Variants in CTNND2 observed in about 807,000 individuals in gnomAD.
CTNND2 encodes catenin delta 2.
A neutral mutation model predicts 144.4 loss-of-function variants in CTNND2; 22 were observed. That is an observed-to-expected ratio of 0.15 (90% CI 0.11 to 0.22). The LOEUF (loss-of-function observed/expected upper bound fraction) is 0.22, where lower values mean the gene tolerates loss of function less well. Among genes scored for constraint, CTNND2 ranks in the 10% least tolerant of loss-of-function variants. The probability of loss-of-function intolerance (pLI) is 1.00; values close to 1 mark genes in which losing one functional copy is unlikely to be tolerated. For missense variants in CTNND2, 1,353 were observed against 1,618.8 expected (o/e 0.84, Z 2.82); for synonymous variants, 751 against 695.6 (o/e 1.08, Z -1.25).
chr5:11,229,541 T>C (rs1740744746), intron 10 of CTNND2, among the ~76,000 whole-genome samples: 1 of 151,966 alleles, frequency 6.6e-6, no homozygotes, highest in Non-Finnish European at 1.5e-5. Flanking sequence ...AATAAATCAA[T>C]AGAAATATTT....
chr5:11,621,329 T>C (rs1780826879), intron 2 of CTNND2, among the ~76,000 whole-genome samples: 1 of 152,206 alleles, frequency 6.6e-6, no homozygotes, highest in African/African-American at 2.4e-5. Flanking sequence ...TTAATCATTA[T>C]ATTTTATTTG....
intron 11 of CTNND2, among the ~76,000 whole-genome samples, chr5:11,191,978 G>A (rs547239596): frequency 3.3e-5 from 5 of 152,256 alleles, no homozygotes; most frequent in African/African-American, 7.2e-5. Context: ...TTCCACAGGC[G>A]TTTTCACCAG....
chr5:11,092,375 T>C (rs1750862207), intron 15 of CTNND2, among the ~76,000 whole-genome samples: 1 of 152,220 alleles, frequency 6.6e-6, no homozygotes, highest in South Asian at 2.1e-4. Context: ...CCAATGACAG[T>C]ACTAAAATTA....
chr5:11,114,872 T>G (rs12521595), intron 13 of CTNND2, among the ~76,000 whole-genome samples: 21,738 of 152,070 alleles, frequency 0.14, 2,464 homozygotes, highest in East Asian at 0.45. Context: ...GAGGGCTGAG[T>G]GGAAAATGAT....
rs924647646 is a variant in CTNND2 at position 11,841,878 on chromosome 5, G to A, written c.37+61939C>T. Among the ~76,000 whole-genome samples, 5 of 151,184 alleles carry A rather than the reference G, an allele frequency of 3.3e-5. No homozygotes were observed. In the Admixed American group the frequency reaches 3.3e-4, roughly 10 times the overall value. ...ATCTAGTATCCATCCAATTCCAATG[G>A]AACCAACAGTATCAATCAATCGCAC... On this transcript the variant is annotated intron_variant, in intron 1 of 21. Transcript: ENST00000304623.
At chr5:11,012,917 C>CA (rs1741237917) in intron 18 of CTNND2, among the ~76,000 whole-genome samples, 1 of 151,896 alleles carries the variant, frequency 6.6e-6, no homozygotes, top group Non-Finnish European at 1.5e-5. Context: ...ATGCATTTGG[C>CA]AAAAAAGGAT....
chr5:11,165,301 G>A (rs1457628734), intron 11 of CTNND2, among the ~76,000 whole-genome samples: 3 of 152,090 alleles, frequency 2.0e-5, no homozygotes, highest in Non-Finnish European at 4.4e-5. Flanking sequence ...CTTCATTTGG[G>A]TAATTTTCTT....
chr5:11,441,573 G>A (rs1052894292), intron 3 of CTNND2, among the ~76,000 whole-genome samples: 6 of 150,266 alleles, frequency 4.0e-5, no homozygotes, highest in East Asian at 2.0e-4. Flanking sequence ...TAGTAGAGAC[G>A]GGGTTTCACC....
chr5:11,855,345 C>T (rs1430644776), intron 1 of CTNND2, among the ~76,000 whole-genome samples: 1 of 152,150 alleles, frequency 6.6e-6, no homozygotes, highest in Non-Finnish European at 1.5e-5. Context: ...GTGAACTAAC[C>T]TCACCTCACT....
At chr5:11,548,840 A>G (rs983498584) in intron 3 of CTNND2, among the ~76,000 whole-genome samples, 2 of 152,010 alleles carry the variant, frequency 1.3e-5, no homozygotes, top group Non-Finnish European at 2.9e-5. Flanking sequence ...TTATTTCTTT[A>G]TTAGTTGATT....
At chr5:11,073,187 T>C (rs1196768634) in intron 16 of CTNND2, among the ~76,000 whole-genome samples, 1 of 152,254 alleles carries the variant, frequency 6.6e-6, no homozygotes, top group Non-Finnish European at 1.5e-5. Context: ...GACTTTTGTT[T>C]TTAACAAGGA....
intron 12 of CTNND2, among the ~76,000 whole-genome samples, chr5:11,143,517 G>A (rs1756946525): frequency 1.3e-5 from 2 of 152,122 alleles, no homozygotes. Flanking sequence ...TCACGTGGAT[G>A]TTCTCCCTGG....
At chr5:11,140,490 T>C (rs1226638900) in intron 12 of CTNND2, among the ~76,000 whole-genome samples, 7 of 152,248 alleles carry the variant, frequency 4.6e-5, no homozygotes, top group Non-Finnish European at 1.0e-4. Flanking sequence ...TCAAACACTA[T>C]GTATGCTAAT....
intron 9 of CTNND2, among the ~76,000 whole-genome samples, chr5:11,288,093 T>C (rs1747935966): frequency 6.6e-6 from 1 of 152,234 alleles, no homozygotes; most frequent in Admixed American, 6.5e-5. Context: ...TTCTAAGTTA[T>C]TAAACTACTG....
intron 2 of CTNND2, among the ~76,000 whole-genome samples, chr5:11,662,677 G>A (rs1433443561): frequency 1.3e-5 from 2 of 152,070 alleles, no homozygotes; most frequent in African/African-American, 4.8e-5. Context: ...CAACCAAGTT[G>A]ACACTCAGTA....
At chr5:11,779,441 G>C (rs571903280) in intron 1 of CTNND2, among the ~76,000 whole-genome samples, 116 of 152,324 alleles carry the variant, frequency 7.6e-4, no homozygotes, top group African/African-American at 2.7e-3. Flanking sequence ...AAGCCCTGTT[G>C]ACTCCAATCG....
intron 12 of CTNND2, among the ~76,000 whole-genome samples, chr5:11,137,506 T>G (rs1756284265): frequency 6.6e-6 from 1 of 152,202 alleles, no homozygotes; most frequent in Non-Finnish European, 1.5e-5. Flanking sequence ...CTTAATAGGG[T>G]AATACTCTAA....
chr5:11,268,457 C>G (rs1745672494), intron 9 of CTNND2, among the ~76,000 whole-genome samples: 2 of 152,028 alleles, frequency 1.3e-5, no homozygotes, highest in African/African-American at 4.8e-5. Flanking sequence ...TGGTGGCATG[C>G]ACCTGCAGTC....
At chr5:11,041,139 C>T (rs1744654626) in intron 16 of CTNND2, among the ~76,000 whole-genome samples, 1 of 152,210 alleles carries the variant, frequency 6.6e-6, no homozygotes. Flanking sequence ...TATATAATCA[C>T]ATTCCCTCAT....
Sources: gnomAD v4.1 joint callset for allele counts (sites outside exome capture counted in the v4.1 genomes callset) on GRCh38, gnomAD v4.1.1 for gene constraint, MANE v1.5 for transcripts, NCBI Gene and HGNC (gene_info 2026-07-23, HGNC 2026-07-21) for gene names.